Variants in CALY observed in about 807,000 individuals in gnomAD.
CALY encodes neuron-specific vesicular protein calcyon.
In CALY, 15 loss-of-function variants were observed where a neutral mutation model predicts 20.2. The ratio of observed to expected loss-of-function variants is 0.74; its 90% CI spans 0.50 to 1.14. The LOEUF is 1.14. Ranked by LOEUF, CALY falls within the 50% of genes most tolerant of loss-of-function variation. The pLI, the probability that CALY is intolerant of heterozygous loss-of-function variation, is 0.00. For synonymous variants in CALY, 129 were observed against 131.8 expected (o/e 0.98, Z 0.15); for missense variants, 270 against 304.4 (o/e 0.89, Z 0.84).
Position 133,325,907 on chromosome 10 carries a change from G to A in CALY, c.574C>T (p.Pro192Ser), listed in dbSNP as rs1429101315. 1 of 1,294,486 alleles carries A rather than the reference G, an allele frequency of 7.7e-7. No homozygotes were observed. Among genetic ancestry groups the A allele is most frequent in the Middle Eastern group, 2.9e-4 (1 of 3,454 alleles). The allele number at this position is 1,294,486 out of a possible 1,614,324, so 80.2% of individuals were successfully genotyped here. A position where few individuals can be genotyped will look rare whatever the true frequency, so the allele number is the denominator to read the frequency against. Residue 192 changes from proline (P) to serine (S), a missense_variant, in exon 5 of 6, where the codon CCC becomes TCC. By Grantham distance (74) the Pro-to-Ser change is moderately conservative. Transcript: ENST00000252939. ...AGAAAAATEP[P>S]GKPSAKAEKE... Reference sequence around the variant, plus strand: ...TCCGCCTTGGCCGACGGCTTCCCGGGGGGTTCGGTGGCCGCCGCCGCCGCC... The same window carrying A: ...TCCGCCTTGGCCGACGGCTTCCCGGAGGGTTCGGTGGCCGCCGCCGCCGCC...
rs1309768346 is a variant in CALY, at chr10:133,336,882, G to A, written c.-69C>T. 6.6e-6 allele frequency: 1 copy of A among 152,340 alleles called. No homozygotes were observed. Among genetic ancestry groups the A allele is most frequent in the Non-Finnish European group, 1.5e-5 (1 of 68,110 alleles). 9.4% of individuals were successfully genotyped at this position (152,340 alleles called of 1,614,324 possible). A position where few individuals can be genotyped will look rare whatever the true frequency, so the allele number is the denominator to read the frequency against. On this transcript the variant is annotated 5_prime_UTR_variant, in exon 1 of 6. Coordinates refer to ENST00000252939, the MANE Select transcript of CALY (RefSeq NM_015722.4). ...GCAGGACGCGGTCGGGGAGGACGACGATGCGGATGTGGATGCGGAGGATGC... is the reference window on the plus strand; with the variant it reads ...GCAGGACGCGGTCGGGGAGGACGACAATGCGGATGTGGATGCGGAGGATGC...
At chr10:133,336,136 G>A (rs950533969) in intron 1 of CALY, among the ~76,000 whole-genome samples, 14 of 152,102 alleles carry the variant, frequency 9.2e-5, no homozygotes, top group African/African-American at 3.1e-4. Context: ...GCAGCCTCCC[G>A]CCCCTGGCGC....
chr10:133,327,061 G>T, intron 3 of CALY, 70 bp from the exon 4 acceptor site: 3 of 1,052,152 alleles, frequency 2.9e-6, no homozygotes, highest in African/African-American at 1.6e-5. Flanking sequence ...CTCCTCAGGG[G>T]CTGGGCTGGC....
rs1283480833 is a variant in CALY at position 133,325,107 on chromosome 10, G to C, written c.*488C>G. 1.3e-5 allele frequency: 2 copies of C among 157,620 alleles called. No individual in the cohort carries two copies. Among genetic ancestry groups the C allele is most frequent in the African/African-American group, 2.4e-5 (1 of 41,490 alleles). The allele number at this position is 157,620 out of a possible 1,614,324, so 9.8% of individuals were successfully genotyped here. A position where few individuals can be genotyped will look rare whatever the true frequency, so the allele number is the denominator to read the frequency against. On this transcript the variant is annotated 3_prime_UTR_variant, in exon 6 of 6. Transcript: ENST00000252939. ...CCCAGCACCAGGTAGATGGGGGCGG[G>C]GGGTCGGGGAACCAGCAGGACAAGG...
chr10:133,326,408 C>T, intron 4 of CALY: 2 of 713,122 alleles, frequency 2.8e-6, no homozygotes, highest in East Asian at 5.5e-5. Context: ...GAGCATAAAC[C>T]ATGGAGTTAA....
At chr10:133,328,303 A>G (rs931379116) in intron 2 of CALY, among the ~76,000 whole-genome samples, 1 of 152,112 alleles carries the variant, frequency 6.6e-6, no homozygotes, top group Admixed American at 6.5e-5. Context: ...GGTGCTGGAG[A>G]ATTGCCCTTG....
intron 3 of CALY, 50 bp from the exon 4 acceptor site, chr10:133,327,041 T>G: frequency 7.7e-7 from 1 of 1,306,406 alleles, no homozygotes; most frequent in South Asian, 1.2e-5. Flanking sequence ...GGGGCGGTCT[T>G]TGTGGGGAGC....
Position 133,326,248 on chromosome 10 carries a change from C to T in CALY, c.361-128G>A, listed in dbSNP as rs980966297. ...TAATGGAGCCATGGCTTCAGGACACCGAAGATCAGCCTCCAGTTCAGAACT... is the reference window on the plus strand; with the variant it reads ...TAATGGAGCCATGGCTTCAGGACACTGAAGATCAGCCTCCAGTTCAGAACT... On this transcript the variant is annotated intron_variant, in intron 4 of 5. Transcript: ENST00000252939. 2.6e-6 allele frequency: 4 copies of T among 1,550,424 alleles called. No individual in the cohort carries two copies. In the Admixed American group the frequency reaches 5.9e-5, roughly 23 times the overall value.
intron 1 of CALY, among the ~76,000 whole-genome samples, chr10:133,331,198 C>T (rs970552440): frequency 6.6e-6 from 1 of 152,172 alleles, no homozygotes; most frequent in Non-Finnish European, 1.5e-5. Context: ...ATCCCCACAG[C>T]AAACCTCACT....
At chr10:133,332,980 G>T (rs1199303153) in intron 1 of CALY, among the ~76,000 whole-genome samples, 1 of 152,082 alleles carries the variant, frequency 6.6e-6, no homozygotes, top group Middle Eastern at 3.4e-3. Context: ...AACTGTGAAA[G>T]AATTTGTTAT....
At chr10:133,326,337 G>T in intron 4 of CALY, 1 of 1,431,122 alleles carries the variant, frequency 7.0e-7, no homozygotes, top group Non-Finnish European at 9.6e-7. Context: ...CACCCAGGGA[G>T]AGGGGCGCAG....
At chr10:133,335,305 C>T (rs1206064074) in intron 1 of CALY, among the ~76,000 whole-genome samples, 5 of 152,168 alleles carry the variant, frequency 3.3e-5, no homozygotes, top group African/African-American at 9.7e-5. Flanking sequence ...CGCACCAGGG[C>T]CCGCAGCGCC....
intron 1 of CALY, among the ~76,000 whole-genome samples, chr10:133,333,627 AG>A (rs1273856878): frequency 6.9e-6 from 1 of 145,038 alleles, no homozygotes; most frequent in African/African-American, 2.6e-5. Flanking sequence ...GAGGGCTCTG[AG>A]GGGGAAAGAT....
At chr10:133,326,503 A>AT (rs890958292) in intron 4 of CALY, among the ~76,000 whole-genome samples, 2 of 152,180 alleles carry the variant, frequency 1.3e-5, no homozygotes, top group Admixed American at 1.3e-4. Flanking sequence ...TGACAAAGAG[A>AT]TTTAAAAAAA....
At chr10:133,332,964 C>T (rs1353431980) in intron 1 of CALY, among the ~76,000 whole-genome samples, 1 of 152,028 alleles carries the variant, frequency 6.6e-6, no homozygotes, top group Non-Finnish European at 1.5e-5. Context: ...GACTTCTTGA[C>T]TCCAGAACTG....
At chr10:133,335,471 G>T (rs1241526771) in intron 1 of CALY, among the ~76,000 whole-genome samples, 2 of 152,212 alleles carry the variant, frequency 1.3e-5, no homozygotes, top group Non-Finnish European at 2.9e-5. Flanking sequence ...ACGTCATCGC[G>T]GGTTTCCATG....
rs142942870 is a variant in CALY, at chr10:133,328,933, C to G, written c.57G>C (p.Gln19His). 1.7e-4 allele frequency: 259 copies of G among 1,561,056 alleles called. 1 individual carries two copies. Among genetic ancestry groups the G allele is most frequent in the Non-Finnish European group, 2.2e-4 (258 of 1,151,930 alleles). ...GCACACTGTCCATGGCAGCCCCATC[C>G]TGGTCCCCAGGGTCTTTACCTGGCT... ...SGKPGKDPGD[Q>H]DGAAMDSVPL... The change falls in exon 2 of 6, where the codon CAG becomes CAC. Residue 19 changes from glutamine (Q) to histidine (H), a missense_variant. Transcript: ENST00000252939.
intron 3 of CALY, 140 bp from the exon 4 acceptor site, chr10:133,327,131 C>A: frequency 1.6e-6 from 1 of 643,256 alleles, no homozygotes; most frequent in South Asian, 1.8e-5. Flanking sequence ...CAGCCAGTGG[C>A]TTTTCCAACT....
chr10:133,324,310 G>A lies in CALY; in HGVS notation c.*1285C>T, dbSNP rs1044004632. 4.4e-6 allele frequency: 2 copies of A among 455,288 alleles called. No homozygotes were observed. The highest frequency in any genetic ancestry group is 8.8e-6 in the Non-Finnish European group (2 of 226,652). 28.2% of individuals were successfully genotyped at this position (455,288 alleles called of 1,614,324 possible). On this transcript the variant is annotated 3_prime_UTR_variant, in exon 6 of 6. Transcript: ENST00000252939. Reference sequence around the variant, plus strand: ...CCTGGCTGGCTTCCAGCTCACCATGGCTTCCCTGGCAGGCCCAGTTCACAG... The same window carrying A: ...CCTGGCTGGCTTCCAGCTCACCATGACTTCCCTGGCAGGCCCAGTTCACAG...
Sources: allele counts gnomAD v4.1 joint callset (sites outside exome capture counted in the v4.1 genomes callset), GRCh38; gene constraint gnomAD v4.1.1; transcripts MANE v1.5; gene names NCBI Gene and HGNC (gene_info 2026-07-23, HGNC 2026-07-21).